FGFR2: variants seen among roughly 807,000 people sequenced by gnomAD.
FGFR2 encodes the protein BEK fibroblast growth factor receptor.
FGFR2 carries 19 observed loss-of-function variants against 95.9 expected under a neutral mutation model. The observed-to-expected ratio is 0.20, with a 90% CI of 0.14 to 0.29. FGFR2 has a LOEUF of 0.29. Among genes scored for constraint, FGFR2 ranks in the 10% least tolerant of loss-of-function variants. FGFR2 has a pLI of 1.00. For synonymous variants in FGFR2, 392 were observed against 393.3 expected (o/e 1.00, Z 0.04); for missense variants, 707 against 1,056.9 (o/e 0.67, Z 4.59).
At chr10:121,486,173 G>A (rs1416685711) in intron 15 of FGFR2, among the ~76,000 whole-genome samples, 2 of 152,154 alleles carry the variant, frequency 1.3e-5, no homozygotes, top group Non-Finnish European at 2.9e-5. Context: ...TCTCTGGGAG[G>A]AGCAAGCTGA....
intron 4 of FGFR2, 36 bp from the exon 5 acceptor site, chr10:121,551,495 G>C: frequency 6.3e-7 from 1 of 1,590,534 alleles, no homozygotes; most frequent in Non-Finnish European, 8.6e-7. Flanking sequence ...GTATACTGAT[G>C]GACAGCTTCC....
chr10:121,511,189 A>C (rs1391439307), intron 9 of FGFR2, among the ~76,000 whole-genome samples: 1 of 152,074 alleles, frequency 6.6e-6, no homozygotes, highest in African/African-American at 2.4e-5. Flanking sequence ...ACAAAAAAAA[A>C]ACCACCCTGC....
intron 6 of FGFR2, among the ~76,000 whole-genome samples, chr10:121,535,099 T>A (rs1269377586): frequency 6.6e-6 from 1 of 152,096 alleles, no homozygotes; most frequent in Non-Finnish European, 1.5e-5. Flanking sequence ...AGTGAGAACA[T>A]GACTACATGA....
rs763130972 is a variant in FGFR2, at chr10:121,479,830, T to A, written c.*27A>T. 90 of 1,613,986 alleles carry A rather than the reference T, an allele frequency of 5.6e-5. No homozygotes were observed. Among genetic ancestry groups the A allele is most frequent in the Non-Finnish European group, 7.2e-5 (85 of 1,179,966 alleles). ...TGTAGCTAGGTTCCCAGTGCTGTCC[T>A]GTTTGGGGACAGGCAGACACAGTCA... On this transcript the variant is annotated 3_prime_UTR_variant, in exon 18 of 18. Transcript: ENST00000358487.
At chr10:121,558,135 G>A (rs1856433742) in intron 4 of FGFR2, among the ~76,000 whole-genome samples, 1 of 152,062 alleles carries the variant, frequency 6.6e-6, no homozygotes, top group South Asian at 2.1e-4. Flanking sequence ...ACCGAAACAA[G>A]CTGGAAACAA....
chr10:121,562,741 C>T (rs1857163920), intron 4 of FGFR2, among the ~76,000 whole-genome samples: 1 of 152,190 alleles, frequency 6.6e-6, no homozygotes, highest in South Asian at 2.1e-4. Context: ...TCTGTAAAGG[C>T]TACACACTGT....
intron 9 of FGFR2, among the ~76,000 whole-genome samples, chr10:121,514,824 C>CACA (rs1265792269): frequency 6.6e-6 from 1 of 152,174 alleles, no homozygotes; most frequent in Non-Finnish European, 1.5e-5. Flanking sequence ...TCTGATCAAA[C>CACA]ACACACAGGG....
chr10:121,561,041 G>C (rs757632584), intron 4 of FGFR2, among the ~76,000 whole-genome samples: 2 of 152,316 alleles, frequency 1.3e-5, no homozygotes, highest in Non-Finnish European at 2.9e-5. Flanking sequence ...TTTTGCCCCA[G>C]CTGCTAGGAG....
At position 121,588,618 on chromosome 10, in the gene FGFR2, A is replaced by G. The variant is rs80171354; in HGVS notation, c.109+5091T>C. ...CATATGGGATACAGCAAAAAGATGG[A>G]AAAAAATGCAAAACTTAAGGCTAGG... On this transcript the variant is annotated intron_variant, in intron 2 of 17. Coordinates refer to ENST00000358487, the MANE Select transcript of FGFR2 (RefSeq NM_000141.5). 1.1e-3 allele frequency among the ~76,000 whole-genome samples: 165 copies of G among 152,188 alleles called. 1 individual carries two copies. The highest frequency in any genetic ancestry group is 3.6e-3 in the African/African-American group (149 of 41,546).
intron 9 of FGFR2, among the ~76,000 whole-genome samples, chr10:121,512,922 C>T (rs903530397): frequency 3.3e-5 from 5 of 151,914 alleles, no homozygotes; most frequent in East Asian, 3.9e-4. Context: ...CAGGCTGGAG[C>T]GCAATGGTGT....
At chr10:121,480,171 T>C in intron 17 of FGFR2, 150 bp from the exon 18 acceptor site, 1 of 915,498 alleles carries the variant, frequency 1.1e-6, no homozygotes, top group Non-Finnish European at 1.8e-6. Flanking sequence ...GATGTGGGTA[T>C]TGGACGTGGG....
chr10:121,493,249 C>T (rs146502115), intron 13 of FGFR2, among the ~76,000 whole-genome samples: 1 of 152,266 alleles, frequency 6.6e-6, no homozygotes, highest in South Asian at 2.1e-4. Flanking sequence ...TTAATAATAA[C>T]GATAGTTACT....
At chr10:121,571,228 C>G (rs868614571) in intron 2 of FGFR2, among the ~76,000 whole-genome samples, 1 of 151,008 alleles carries the variant, frequency 6.6e-6, no homozygotes, top group Admixed American at 6.6e-5. Context: ...ATCTCCTCAC[C>G]TCGTGATACG....
At chr10:121,513,959 A>G (rs1311571067) in intron 9 of FGFR2, among the ~76,000 whole-genome samples, 3 of 152,162 alleles carry the variant, frequency 2.0e-5, no homozygotes, top group Admixed American at 6.5e-5. Flanking sequence ...TGCCTTGTCC[A>G]GAAAATGTCA....
At chr10:121,588,385 C>G (rs1316084659) in intron 2 of FGFR2, among the ~76,000 whole-genome samples, 1 of 133,136 alleles carries the variant, frequency 7.5e-6, no homozygotes, top group Non-Finnish European at 1.6e-5. Flanking sequence ...ACATGTACCC[C>G]CAAACCTAAA....
At chr10:121,519,896 C>T in intron 7 of FGFR2, 83 bp downstream of exon 7, 3 of 1,347,882 alleles carry the variant, frequency 2.2e-6, no homozygotes, top group Non-Finnish European at 3.2e-6. Flanking sequence ...TCTCTCAACT[C>T]CAACAGGAAA....
chr10:121,543,443 G>C (rs955747234), intron 5 of FGFR2, among the ~76,000 whole-genome samples: 7 of 152,312 alleles, frequency 4.6e-5, no homozygotes, highest in African/African-American at 1.7e-4. Flanking sequence ...CCGGGAGACA[G>C]AGACTGCAGT....
chr10:121,492,258 T>C (rs1846232419), intron 13 of FGFR2, among the ~76,000 whole-genome samples: 2 of 152,156 alleles, frequency 1.3e-5, no homozygotes, highest in South Asian at 2.1e-4. Flanking sequence ...AAAGTAAAAT[T>C]AGTGTGATTT....
At position 121,573,622 on chromosome 10, in the gene FGFR2, G is replaced by C. The variant is rs967570771; in HGVS notation, c.110-7918C>G. ...GGGAGAGAAACAGAGGGAGGGAGAG[G>C]AAAGAAGAGGAAGGCAAGAGGAAGA... On this transcript the variant is annotated intron_variant, in intron 2 of 17. Transcript: ENST00000358487. Among the ~76,000 whole-genome samples, 3 of 151,800 alleles carry C rather than the reference G, an allele frequency of 2.0e-5. No individual in the cohort carries two copies. In the East Asian group the frequency reaches 5.8e-4, roughly 29 times the overall value.
Sources: allele counts gnomAD v4.1 joint callset (sites outside exome capture counted in the v4.1 genomes callset), GRCh38; gene constraint gnomAD v4.1.1; transcripts MANE v1.5; gene names NCBI Gene and HGNC (gene_info 2026-07-23, HGNC 2026-07-21).